DYNC2H1: variants seen among roughly 807,000 people sequenced by gnomAD.
DYNC2H1 encodes cytoplasmic dynein 2 heavy chain 1.
A neutral mutation model predicts 570.0 loss-of-function variants in DYNC2H1; 410 were observed. The observed-to-expected ratio is 0.72, with a 90% CI of 0.66 to 0.78. DYNC2H1 has a LOEUF of 0.78. Ranked by LOEUF, DYNC2H1 falls within the 30% of genes least tolerant of loss-of-function variation. The pLI, the probability that DYNC2H1 is intolerant of heterozygous loss-of-function variation, is 0.00. For missense variants in DYNC2H1, 4,865 were observed against 5,046.4 expected (o/e 0.96, Z 1.09); for synonymous variants, 1,688 against 1,677.6 (o/e 1.01, Z -0.15).
rs140175949 is a variant in DYNC2H1, at chr11:103,222,440, T to C, written c.9231+287T>C. On this transcript the variant is annotated intron_variant, in intron 58 of 88. Transcript: ENST00000375735. ...TTTCAACTGTCCTGGTATGCTTTTA[T>C]TTTTTCTTGTGTACTTGTCAGATAA... Among the ~76,000 whole-genome samples, 172 of 152,296 alleles carry C rather than the reference T, an allele frequency of 1.1e-3. 1 individual carries two copies. In the East Asian group the frequency reaches 0.029, roughly 26 times the overall value.
intron 78 of DYNC2H1, 134 bp downstream of exon 78, chr11:103,307,965 A>G (rs577496635): frequency 3.5e-4 from 148 of 426,758 alleles, no homozygotes; most frequent in Middle Eastern, 1.8e-3. Flanking sequence ...TACATAGATA[A>G]TAGCATAAGA....
At chr11:103,408,945 A>G (rs1942977060) in intron 84 of DYNC2H1, among the ~76,000 whole-genome samples, 1 of 152,014 alleles carries the variant, frequency 6.6e-6, no homozygotes, top group Admixed American at 6.6e-5. Flanking sequence ...CATCTTGTTT[A>G]TATCCCGCCG....
intron 82 of DYNC2H1, among the ~76,000 whole-genome samples, chr11:103,346,400 A>G (rs1939746687): frequency 6.6e-6 from 1 of 152,220 alleles, no homozygotes; most frequent in South Asian, 2.1e-4. Context: ...TGGCAACATC[A>G]GCAAAAAGAG....
At chr11:103,286,752 AT>A (rs1866366750) in intron 74 of DYNC2H1, among the ~76,000 whole-genome samples, 1 of 152,148 alleles carries the variant, frequency 6.6e-6, no homozygotes, top group Non-Finnish European at 1.5e-5. Context: ...TTCCCATTCT[AT>A]TTTAAAATAG....
chr11:103,397,872 G>T (rs1163552984), intron 83 of DYNC2H1, among the ~76,000 whole-genome samples: 1 of 152,138 alleles, frequency 6.6e-6, no homozygotes, highest in African/African-American at 2.4e-5. Context: ...GACAGAGTAA[G>T]ACCCTGTCAA....
chr11:103,395,510 CA>C lies in DYNC2H1; in HGVS notation c.12157-4152del, dbSNP rs1942362183. On this transcript the variant is annotated intron_variant, in intron 83 of 88. Transcript: ENST00000375735. This position sits in a 1 kb window ranked among gnomAD's most constrained non-coding sequence, Gnocchi z 4.3. ...GTATATGTACACACACACACACACACACACACTTCTCTGTATTGGCACCATT... is the reference window on the plus strand; with the variant it reads ...GTATATGTACACACACACACACACACCACACTTCTCTGTATTGGCACCATT... Among the ~76,000 whole-genome samples, 1 of 151,672 alleles carries C rather than the reference CA, an allele frequency of 6.6e-6. No homozygotes were observed. The highest frequency in any genetic ancestry group is 1.5e-5 in the Non-Finnish European group (1 of 67,884).
In DYNC2H1 at chr11:103,446,686, A is replaced by T. The variant is rs80154097; in HGVS notation, c.12457-8500A>T. On this transcript the variant is annotated intron_variant, in intron 85 of 88. Transcript: ENST00000375735. This position sits in a 1 kb window ranked among gnomAD's most constrained non-coding sequence, Gnocchi z 4.5. ...TTTTTTGGTTTGGTTTTGTTTTTTA[A>T]TATAGGGGATTTTTGACCATATCTG... Among the ~76,000 whole-genome samples the T allele has an allele frequency of 2.2e-3, 338 of 152,192 alleles. 3 individuals carry two copies. The highest frequency in any genetic ancestry group is 7.8e-3 in the African/African-American group (325 of 41,546).
At chr11:103,295,419 C>T (rs187376136) in intron 75 of DYNC2H1, among the ~76,000 whole-genome samples, 93 of 152,320 alleles carry the variant, frequency 6.1e-4, no homozygotes, top group African/African-American at 2.0e-3. Flanking sequence ...CAACTATCTG[C>T]GAAGCTAGGA....
chr11:103,118,950 A>C (rs905015349), intron 6 of DYNC2H1, among the ~76,000 whole-genome samples: 1 of 152,136 alleles, frequency 6.6e-6, no homozygotes, highest in African/African-American at 2.4e-5. Context: ...GCAGTCATTA[A>C]TCATGAAGAG....
intron 13 of DYNC2H1, among the ~76,000 whole-genome samples, chr11:103,131,587 T>C (rs1404352975): frequency 6.6e-6 from 1 of 152,200 alleles, no homozygotes; most frequent in East Asian, 1.9e-4. Flanking sequence ...AATAACTTCC[T>C]TTAGCCATGG....
intron 83 of DYNC2H1, among the ~76,000 whole-genome samples, chr11:103,390,854 G>A (rs948879006): frequency 6.6e-6 from 1 of 152,142 alleles, no homozygotes; most frequent in Non-Finnish European, 1.5e-5. Flanking sequence ...TAGAGTTTCT[G>A]CCAAGAGATC....
intron 63 of DYNC2H1, among the ~76,000 whole-genome samples, chr11:103,240,932 A>G (rs1297093387): frequency 6.6e-6 from 1 of 152,078 alleles, no homozygotes; most frequent in African/African-American, 2.4e-5. Context: ...ACCTTTTCCC[A>G]TATTTATTTT....
Position 103,253,489 on chromosome 11 carries a change from A to G in DYNC2H1, c.10206+41A>G, listed in dbSNP as rs369158021. On this transcript the variant is annotated intron_variant, in intron 66 of 88. Transcript: ENST00000375735. ...AATAATTTACCTTGGAATCTTTTCG[A>G]GCTTTATATACCTATTAGACATTGT... The G allele has an allele frequency of 2.9e-5, 46 of 1,561,984 alleles. No individual in the cohort carries two copies. In the Middle Eastern group the frequency reaches 1.5e-3, roughly 52 times the overall value.
chr11:103,129,829 A>T lies in DYNC2H1; in HGVS notation c.1953+824A>T, dbSNP rs1303650090. Among the ~76,000 whole-genome samples the T allele has an allele frequency of 6.6e-6, 1 of 152,242 alleles. No homozygotes were observed. Among genetic ancestry groups the T allele is most frequent in the African/African-American group, 2.4e-5 (1 of 41,462 alleles). ...AATGTTTGACAAAAATAAGCAGAAG[A>T]GGTATATACCATTTTATTTTTTTCT... On this transcript the variant is annotated intron_variant, in intron 13 of 88. Transcript: ENST00000375735. The surrounding 1 kb of genome is among the most constrained non-coding windows in gnomAD (Gnocchi z 4.1).
At chr11:103,310,609 C>T (rs543946744) in intron 78 of DYNC2H1, among the ~76,000 whole-genome samples, 14 of 141,896 alleles carry the variant, frequency 9.9e-5, no homozygotes, top group Non-Finnish European at 2.1e-4. Flanking sequence ...GTTTCATAAA[C>T]ATAAAAGCTT....
chr11:103,354,940 CAGA>C (rs1940265090), intron 82 of DYNC2H1, among the ~76,000 whole-genome samples: 2 of 151,880 alleles, frequency 1.3e-5, no homozygotes, highest in Non-Finnish European at 2.9e-5. Flanking sequence ...GGAAAATTCA[CAGA>C]AGGTTTCTTT....
At position 103,202,936 on chromosome 11, in the gene DYNC2H1, C is replaced by T. The variant is rs370526359; in HGVS notation, c.8198-727C>T. 6.6e-5 allele frequency among the ~76,000 whole-genome samples: 10 copies of T among 152,174 alleles called. No individual in the cohort carries two copies. In the East Asian group the frequency reaches 7.7e-4, roughly 12 times the overall value. On this transcript the variant is annotated intron_variant, in intron 50 of 88. Transcript: ENST00000375735. ...CAACTTTGATTTGCCTTTCATCATTCTATTCATCATCATGATTTGGCCTGC... is the reference window on the plus strand; with the variant it reads ...CAACTTTGATTTGCCTTTCATCATTTTATTCATCATCATGATTTGGCCTGC...
At chr11:103,457,678 AAAAGTGTTTATGTTT>A (rs1300625847) in intron 87 of DYNC2H1, among the ~76,000 whole-genome samples, 1 of 152,206 alleles carries the variant, frequency 6.6e-6, no homozygotes, top group Non-Finnish European at 1.5e-5. Context: ...GTATAAAGTA[AAAAGTGTTTATGTTT>A]AAAACACCTG....
chr11:103,375,452 C>T (rs760217135), intron 83 of DYNC2H1, among the ~76,000 whole-genome samples: 1 of 152,146 alleles, frequency 6.6e-6, no homozygotes, highest in African/African-American at 2.4e-5. Flanking sequence ...CAGCTTGCAC[C>T]GTGCTTCTGG....
Sources: allele counts gnomAD v4.1 joint callset (sites outside exome capture counted in the v4.1 genomes callset), GRCh38; gene constraint gnomAD v4.1.1; non-coding constraint Gnocchi (gnomAD v3.1); transcripts MANE v1.5; gene names NCBI Gene and HGNC (gene_info 2026-07-23, HGNC 2026-07-21).